The following STAG2 variants were observed in gnomAD, a reference collection of about 807,000 sequenced individuals.
The protein encoded by STAG2 is cohesin subunit SA-2.
A neutral mutation model predicts 108.1 loss-of-function variants in STAG2; 14 were observed. The ratio of observed to expected loss-of-function variants is 0.13; its 90% CI spans 0.09 to 0.20. The LOEUF (loss-of-function observed/expected upper bound fraction) is 0.20, where lower values mean the gene tolerates loss of function less well. Among genes scored for constraint, STAG2 ranks in the 10% least tolerant of loss-of-function variants. STAG2 has a pLI of 1.00. For missense variants in STAG2, 440 were observed against 940.9 expected (o/e 0.47, Z 6.96); for synonymous variants, 307 against 302.7 (o/e 1.01, Z -0.15).
intron 6 of STAG2, 24 bp downstream of exon 6, chrX:124,037,647 C>G: frequency 3.9e-6 from 4 of 1,020,041 alleles, no homozygotes; most frequent in Non-Finnish European, 5.4e-6. Context: ...ATTTTGAAAT[C>G]AGCAGCTCTC....
intron 1 of STAG2, among the ~76,000 whole-genome samples, chrX:123,977,834 T>G (rs1311838135): frequency 2.1e-5 from 1 of 46,943 alleles, no homozygotes; most frequent in Admixed American, 1.9e-4. Context: ...TCCCAAGTGT[T>G]TTTTTTTTTT....
At chrX:124,051,282 C>G (rs1603032426) in intron 12 of STAG2, 33 bp from the exon 13 acceptor site, 12 of 1,172,187 alleles carry the variant, frequency 1.0e-5, no homozygotes, top group Non-Finnish European at 1.0e-5. Flanking sequence ...TCTTGCTTTC[C>G]TTTTAAAAAT....
chrX:123,974,055 G>T (rs746781425), intron 1 of STAG2, among the ~76,000 whole-genome samples: 1 of 110,304 alleles, frequency 9.1e-6, no homozygotes, highest in Non-Finnish European at 1.9e-5. Flanking sequence ...TGTTCCTAAT[G>T]TGAGATTAGT....
At chrX:124,027,141 C>T (rs2057131708) in intron 4 of STAG2, among the ~76,000 whole-genome samples, 1 of 112,016 alleles carries the variant, frequency 8.9e-6, no homozygotes, top group Non-Finnish European at 1.9e-5. Flanking sequence ...TGGTCCTGTA[C>T]TACTGGGCTC....
intron 1 of STAG2, among the ~76,000 whole-genome samples, chrX:123,983,613 G>A (rs1386086238): frequency 9.0e-6 from 1 of 111,419 alleles, no homozygotes; most frequent in Non-Finnish European, 1.9e-5. Flanking sequence ...GACGGATAAA[G>A]TAAAATTGGC....
At chrX:124,000,787 C>T (rs868605749) in intron 1 of STAG2, among the ~76,000 whole-genome samples, 2 of 111,629 alleles carry the variant, frequency 1.8e-5, no homozygotes, top group South Asian at 7.5e-4. Flanking sequence ...TGTTATTGTC[C>T]CTGAAGACCT....
At chrX:124,070,815 A>C (rs1257881376) in intron 24 of STAG2, among the ~76,000 whole-genome samples, 1 of 111,611 alleles carries the variant, frequency 9.0e-6, no homozygotes, top group Non-Finnish European at 1.9e-5. Context: ...GGGGATTTGG[A>C]GTTAGAAAAC....
intron 25 of STAG2, among the ~76,000 whole-genome samples, chrX:124,072,954 A>G (rs1292014619): frequency 1.2e-5 from 1 of 84,661 alleles, no homozygotes; most frequent in African/African-American, 4.9e-5. Flanking sequence ...CATGTTGGCC[A>G]GGCTGGTCTT....
intron 14 of STAG2, among the ~76,000 whole-genome samples, chrX:124,056,675 C>A (rs2058208525): frequency 1.1e-5 from 1 of 93,252 alleles, no homozygotes; most frequent in South Asian, 5.9e-4. Flanking sequence ...GGAGCTTGCA[C>A]TGAGCCGAGA....
At position 124,101,171 on chromosome X, in the gene STAG2, A is replaced by G. The variant is rs144559029; in HGVS notation, c.*574A>G. 356 of 147,438 alleles carry G rather than the reference A, an allele frequency of 2.4e-3. 3 individuals carry two copies. In the East Asian group the frequency reaches 0.033, roughly 14 times the overall value. 12.2% of individuals were successfully genotyped at this position (147,438 alleles called of 1,213,427 possible). ...TAAACTTATAAGCAGAACTTTTACA[A>G]TTTTTTCATCTAAAAGTATTTTAAG... On this transcript the variant is annotated 3_prime_UTR_variant, in exon 35 of 35. Transcript: ENST00000371145.
rs766703745 is a variant in STAG2, at chrX:124,057,951, T to C, written c.1390T>C (p.Leu464=). The C allele has an allele frequency of 8.4e-6, 10 of 1,187,756 alleles. No homozygotes were observed. The East Asian group carries it at 3.0e-4, about 36-fold the overall frequency. Residue 464 remains leucine, a synonymous_variant, in exon 15 of 35, where the codon TTG becomes CTG. Coordinates refer to ENST00000371145, the MANE Select transcript of STAG2 (RefSeq NM_001042750.2). Reference sequence around the variant, plus strand: ...TCCAAATGCCAACCTTGTTAAGACATTGGTTTTTTTCTTTCTAGAAAGTGA... The same window carrying C: ...TCCAAATGCCAACCTTGTTAAGACACTGGTTTTTTTCTTTCTAGAAAGTGA... ...QGPNANLVKT[L]VFFFLESELH...
At position 124,102,126 on chromosome X, in the gene STAG2, C is replaced by G. The variant is rs1049893181; in HGVS notation, c.*1529C>G. ...AAAACCATAGGTTAGCTAAAAAGAT[C>G]ATGATACAATTATTTTATTAAGTCA... is the stretch of plus-strand genomic sequence containing the variant. On this transcript the variant is annotated 3_prime_UTR_variant, in exon 35 of 35. Coordinates refer to ENST00000371145, the MANE Select transcript of STAG2 (RefSeq NM_001042750.2). 4.4e-5 allele frequency: 7 copies of G among 158,404 alleles called. No individual in the cohort carries two copies. The highest frequency in any genetic ancestry group is 1.8e-4 in the African/African-American group (6 of 33,065). 13.1% of individuals were successfully genotyped at this position (158,404 alleles called of 1,213,427 possible).
At chrX:124,057,040 G>C (rs1466601996) in intron 14 of STAG2, among the ~76,000 whole-genome samples, 1 of 110,150 alleles carries the variant, frequency 9.1e-6, no homozygotes, top group Non-Finnish European at 1.9e-5. Flanking sequence ...GGGACTACAG[G>C]CTGTATTTAG....
chrX:123,960,924 G>C (rs1016919104), upstream of STAG2: 1 of 112,030 alleles, frequency 8.9e-6, no homozygotes, highest in Non-Finnish European at 1.9e-5. Context: ...CACCCGGAGG[G>C]CGCTTGGCCC....
chrX:124,009,439 G>GA (rs1569501995), intron 1 of STAG2, among the ~76,000 whole-genome samples: 1,689 of 62,318 alleles, frequency 0.027, 23 homozygotes, highest in African/African-American at 0.053. Flanking sequence ...AGGTAGGTAG[G>GA]TAGGTAGATA....
At chrX:124,066,977 G>T (rs1006068886) in intron 23 of STAG2, among the ~76,000 whole-genome samples, 2 of 111,508 alleles carry the variant, frequency 1.8e-5, no homozygotes, top group African/African-American at 6.5e-5. Flanking sequence ...TTTTCCATTT[G>T]TAAACTGGAA....
At chrX:124,097,647 A>G (rs774481298) in intron 34 of STAG2, 5 of 324,815 alleles carry the variant, frequency 1.5e-5, no homozygotes, top group Non-Finnish European at 2.4e-5. Context: ...ACACTGTGCT[A>G]GGTATGATTT....
At chrX:123,973,080 TAAAAA>T (rs113670071) in intron 1 of STAG2, among the ~76,000 whole-genome samples, 8 of 103,305 alleles carry the variant, frequency 7.7e-5, no homozygotes, top group Non-Finnish European at 1.6e-4. Context: ...TAAAATAAAA[TAAAAA>T]AAAAATGCAG....
At chrX:123,978,122 C>T (rs962422042) in intron 1 of STAG2, among the ~76,000 whole-genome samples, 1 of 104,968 alleles carries the variant, frequency 9.5e-6, no homozygotes, top group South Asian at 4.4e-4. Context: ...GGATTGCAGG[C>T]GTGAACCACC....
Sources: gnomAD v4.1 joint callset for allele counts (sites outside exome capture counted in the v4.1 genomes callset) on GRCh38, gnomAD v4.1.1 for gene constraint, MANE v1.5 for transcripts, NCBI Gene and HGNC (gene_info 2026-07-23, HGNC 2026-07-21) for gene names.